Variants in C12orf42 observed in about 807,000 individuals in gnomAD.
C12orf42 encodes chromosome 12 open reading frame 42.
C12orf42 carries 25 observed loss-of-function variants against 21.6 expected under a neutral mutation model. That is an observed-to-expected ratio of 1.16 (90% CI 0.84 to 1.62). The LOEUF (loss-of-function observed/expected upper bound fraction) is 1.62. Ranked by LOEUF, C12orf42 falls within the 40% of genes most tolerant of loss-of-function variation. C12orf42 has a pLI of 0.00. For synonymous variants in C12orf42, 174 were observed against 175.0 expected, an observed-to-expected ratio of 0.99 and a Z score of 0.05; for missense variants, 483 against 459.3, an observed-to-expected ratio of 1.05 and a Z score of -0.47.
the C12orf42 span, among the ~76,000 whole-genome samples, chr12:103,150,888 G>A: frequency 6.6e-6 from 1 of 152,070 alleles, no homozygotes; most frequent in Admixed American, 6.6e-5. Flanking sequence ...ATAGATTACA[G>A]CCTTAACCTG....
the C12orf42 span, among the ~76,000 whole-genome samples, chr12:103,531,985 G>C: frequency 6.6e-6 from 1 of 152,124 alleles, no homozygotes; most frequent in Non-Finnish European, 1.5e-5. Flanking sequence ...CTGCTGCAAT[G>C]GCCTATCTGT....
At chr12:103,132,155 A>T in the C12orf42 span, among the ~76,000 whole-genome samples, 1 of 152,206 alleles carries the variant, frequency 6.6e-6, no homozygotes, top group Non-Finnish European at 1.5e-5. Flanking sequence ...GGCCAGCTAG[A>T]GGCATCTGGT....
downstream of C12orf42, among the ~76,000 whole-genome samples, chr12:103,300,263 T>C (rs572016537): frequency 6.6e-6 from 1 of 152,152 alleles, no homozygotes; most frequent in Non-Finnish European, 1.5e-5. Flanking sequence ...TAAACAGAGT[T>C]TATCAGATTT....
At chr12:103,481,779 GT>G (rs1368325580) in intron 1 of C12orf42, among the ~76,000 whole-genome samples, 1 of 149,456 alleles carries the variant, frequency 6.7e-6, no homozygotes, top group Non-Finnish European at 1.5e-5. Context: ...TTATCTACGT[GT>G]CCTGGTTCTT....
intron 3 of C12orf42, among the ~76,000 whole-genome samples, chr12:103,389,816 G>T (rs1373357199): frequency 2.6e-5 from 4 of 152,174 alleles, no homozygotes; most frequent in Non-Finnish European, 5.9e-5. Flanking sequence ...TGGGCAGCAT[G>T]CGTTGTGTCA....
chr12:103,117,949 G>A, the C12orf42 span, among the ~76,000 whole-genome samples: 1 of 152,102 alleles, frequency 6.6e-6, no homozygotes, highest in African/African-American at 2.4e-5. Context: ...GTTACTGTAA[G>A]GATTAAATGA....
At chr12:103,314,385 G>A (rs1325762305) in intron 4 of C12orf42, among the ~76,000 whole-genome samples, 2 of 152,174 alleles carry the variant, frequency 1.3e-5, no homozygotes, top group Non-Finnish European at 2.9e-5. Context: ...TTTTTACAGT[G>A]AATCCAAATA....
At chr12:103,393,695 T>C (rs944065188) in intron 3 of C12orf42, among the ~76,000 whole-genome samples, 1 of 152,248 alleles carries the variant, frequency 6.6e-6, no homozygotes, top group East Asian at 1.9e-4. Flanking sequence ...TTCACTGCTA[T>C]ATGCCTTAAT....
chr12:103,084,034 G>C, the C12orf42 span, among the ~76,000 whole-genome samples: 5 of 152,000 alleles, frequency 3.3e-5, no homozygotes, highest in Non-Finnish European at 7.4e-5. Flanking sequence ...TTCTTTTTTT[G>C]TCTTTAAAAC....
At chr12:103,131,992 T>C in the C12orf42 span, among the ~76,000 whole-genome samples, 1 of 152,254 alleles carries the variant, frequency 6.6e-6, no homozygotes, top group East Asian at 1.9e-4. Context: ...TGGTGAGTTA[T>C]ACTGAGAAAG....
chr12:103,446,002 C>T (rs1289215176), intron 2 of C12orf42, among the ~76,000 whole-genome samples: 2 of 151,896 alleles, frequency 1.3e-5, no homozygotes, highest in African/African-American at 4.8e-5. Flanking sequence ...GTTTCATCAC[C>T]AATCTATGGT....
chr12:103,320,177 C>G (rs1037015371), intron 4 of C12orf42, among the ~76,000 whole-genome samples: 3 of 152,176 alleles, frequency 2.0e-5, no homozygotes, highest in African/African-American at 7.2e-5. Flanking sequence ...CAACAAACAT[C>G]CTTTCACTTC....
chr12:103,167,652 T>C, the C12orf42 span, among the ~76,000 whole-genome samples: 1 of 152,172 alleles, frequency 6.6e-6, no homozygotes, highest in Non-Finnish European at 1.5e-5. Flanking sequence ...ATTTCTTCCA[T>C]CCAATGAAAG....
At chr12:103,404,847 T>G (rs2048305309) in intron 2 of C12orf42, among the ~76,000 whole-genome samples, 1 of 152,106 alleles carries the variant, frequency 6.6e-6, no homozygotes, top group Non-Finnish European at 1.5e-5. Flanking sequence ...TGAAAACAGG[T>G]GGTATGTGCT....
intron 10 of C12orf42, among the ~76,000 whole-genome samples, chr12:103,240,868 C>A (rs1256536513): frequency 6.6e-6 from 1 of 152,042 alleles, no homozygotes; most frequent in South Asian, 2.1e-4. Flanking sequence ...GTATCCTAAG[C>A]ACTTAATATA....
chr12:103,303,247 AAT>A (rs967077381), intron 5 of C12orf42, among the ~76,000 whole-genome samples: 2 of 151,910 alleles, frequency 1.3e-5, no homozygotes, highest in Admixed American at 6.6e-5. Flanking sequence ...TGTGTGTGTG[AAT>A]ATATATATAT....
chr12:103,389,070 G>C (rs2046856803), intron 3 of C12orf42, among the ~76,000 whole-genome samples: 1 of 152,210 alleles, frequency 6.6e-6, no homozygotes, highest in African/African-American at 2.4e-5. Flanking sequence ...CCTGACCCAT[G>C]CCAGGGGGAA....
chr12:103,528,199 T>C, the C12orf42 span, among the ~76,000 whole-genome samples: 1 of 152,196 alleles, frequency 6.6e-6, no homozygotes, highest in East Asian at 1.9e-4. Context: ...GACATAGATA[T>C]AGATTCTGCT....
the C12orf42 span, chr12:103,503,288 AGGGG>A: frequency 6.6e-6 from 1 of 152,248 alleles, no homozygotes; most frequent in Admixed American, 6.5e-5. Flanking sequence ...AGGAGGGCCC[AGGGG>A]CCAGGGCCAT....
Sources: gnomAD v4.1 joint callset for allele counts (sites outside exome capture counted in the v4.1 genomes callset) on GRCh38, gnomAD v4.1.1 for gene constraint, MANE v1.5 for transcripts, NCBI Gene and HGNC (gene_info 2026-07-23, HGNC 2026-07-21) for gene names.